Variants in MICU3 observed in about 807,000 individuals in gnomAD.
MICU3 encodes the protein calcium uptake protein 3, mitochondrial.
A neutral mutation model predicts 66.5 loss-of-function variants in MICU3; 62 were observed. The ratio of observed to expected loss-of-function variants is 0.93; its 90% CI spans 0.76 to 1.15. The LOEUF is 1.15. MICU3 is among the 50% of genes most tolerant of loss of function. The probability of loss-of-function intolerance (pLI) is 0.00; values close to 1 mark genes in which losing one functional copy is unlikely to be tolerated. For missense variants in MICU3, 779 were observed against 664.4 expected (o/e 1.17, Z -1.90); for synonymous variants, 308 against 240.7 (o/e 1.28, Z -2.59).
At chr8:17,089,494 A>T (rs894630537) in intron 7 of MICU3, among the ~76,000 whole-genome samples, 4 of 152,152 alleles carry the variant, frequency 2.6e-5, no homozygotes, top group African/African-American at 9.7e-5. Context: ...TAGAAATGAC[A>T]ATATGATTCC....
downstream of MICU3, among the ~76,000 whole-genome samples, chr8:17,122,863 A>G (rs578213300): frequency 6.0e-5 from 9 of 151,054 alleles, no homozygotes; most frequent in Non-Finnish European, 1.2e-4. Context: ...GAATTCCTAA[A>G]TTATAGAATT....
intron 1 of MICU3, among the ~76,000 whole-genome samples, chr8:17,037,203 C>T (rs1485934675): frequency 6.6e-6 from 1 of 152,220 alleles, no homozygotes; most frequent in African/African-American, 2.4e-5. Context: ...CCTCTCCCTC[C>T]ATACCTCCCT....
At chr8:17,028,229 A>C (rs1053770649) in intron 1 of MICU3, among the ~76,000 whole-genome samples, 1 of 152,228 alleles carries the variant, frequency 6.6e-6, no homozygotes, top group Non-Finnish European at 1.5e-5. Flanking sequence ...GTTCAAAAAG[A>C]GACATAAGTA....
chr8:17,086,990 TGAAAA>T lies in MICU3; in HGVS notation c.807_811del (p.Lys270ArgfsTer3), dbSNP rs768299402. The T allele has an allele frequency of 6.2e-7, 1 of 1,605,828 alleles. No individual in the cohort carries two copies. Among genetic ancestry groups the T allele is most frequent in the South Asian group, 1.1e-5 (1 of 90,786 alleles). ...TTCAAGAGATATTCAGGAAAAAAAA[TGAAAA>T]GAGAGAAATTAAAGGAGATGAAGAA... On this transcript the variant is annotated frameshift_variant, in exon 7 of 15. Coordinates refer to ENST00000318063, the MANE Select transcript of MICU3 (RefSeq NM_181723.3). LOFTEE classifies it high-confidence loss of function.
intron 11 of MICU3, among the ~76,000 whole-genome samples, chr8:17,108,677 A>G (rs1352685674): frequency 6.6e-6 from 1 of 152,124 alleles, no homozygotes; most frequent in African/African-American, 2.4e-5. Context: ...TCTTGCCTGG[A>G]GTGTTGGAAT....
Position 17,121,782 on chromosome 8 carries a change from T to TG in MICU3, c.*1496dup, listed in dbSNP as rs1803213561. The TG allele has an allele frequency of 6.6e-6, 1 of 152,156 alleles. No individual in the cohort carries two copies. The highest frequency in any genetic ancestry group is 2.4e-5 in the African/African-American group (1 of 41,434). The allele number at this position is 152,156 out of a possible 1,614,324, so 9.4% of individuals were successfully genotyped here. ...TACATTGTTTATCTAATATTATTTA[T>TG]GACAGTAATTTTAAAATATATTATT... On this transcript the variant is annotated 3_prime_UTR_variant, in exon 15 of 15. Coordinates refer to ENST00000318063, the MANE Select transcript of MICU3 (RefSeq NM_181723.3).
At chr8:17,135,055 T>C in the MICU3 span, among the ~76,000 whole-genome samples, 1 of 152,242 alleles carries the variant, frequency 6.6e-6, no homozygotes, top group Admixed American at 6.5e-5. Context: ...TCATGCCTGC[T>C]TCTTACAATT....
the MICU3 span, chr8:17,131,607 A>T: frequency 2.1e-3 from 325 of 152,492 alleles, no homozygotes; most frequent in Non-Finnish European, 3.5e-3. Flanking sequence ...GGCCCATACC[A>T]TCTGGGAAAT....
At chr8:17,038,641 T>G (rs755685691) in intron 1 of MICU3, among the ~76,000 whole-genome samples, 2 of 152,192 alleles carry the variant, frequency 1.3e-5, no homozygotes, top group Non-Finnish European at 2.9e-5. Flanking sequence ...GAGAAATTTT[T>G]TTTTCACAAA....
chr8:17,119,532 CATAG>C (rs10524011), intron 14 of MICU3, among the ~76,000 whole-genome samples: 27,780 of 123,930 alleles, frequency 0.22, 2,732 homozygotes, highest in Middle Eastern at 0.29. Flanking sequence ...AAGCTTGAAG[CATAG>C]ATAGATAGAT....
intron 11 of MICU3, among the ~76,000 whole-genome samples, chr8:17,112,643 T>G (rs1802308640): frequency 6.6e-6 from 1 of 152,230 alleles, no homozygotes; most frequent in South Asian, 2.1e-4. Context: ...AATCTGAAAG[T>G]TCAGATGTTG....
intron 2 of MICU3, among the ~76,000 whole-genome samples, chr8:17,066,041 TG>T (rs1021306627): frequency 9.2e-5 from 14 of 151,838 alleles, no homozygotes; most frequent in African/African-American, 3.4e-4. Flanking sequence ...GGCCATATAG[TG>T]ATGGGAAAGG....
chr8:17,028,961 G>A (rs1811522512), intron 1 of MICU3, among the ~76,000 whole-genome samples: 2 of 152,130 alleles, frequency 1.3e-5, no homozygotes, highest in Admixed American at 1.3e-4. Flanking sequence ...TTTTACAGTT[G>A]AGAGATGTTA....
chr8:17,089,802 CA>C (rs1347170478), intron 7 of MICU3, among the ~76,000 whole-genome samples: 1 of 151,994 alleles, frequency 6.6e-6, no homozygotes, highest in African/African-American at 2.4e-5. Context: ...AATAAACACT[CA>C]AAAAGGTTAG....
At chr8:17,036,716 C>T (rs1207594029) in intron 1 of MICU3, among the ~76,000 whole-genome samples, 1 of 152,244 alleles carries the variant, frequency 6.6e-6, no homozygotes, top group Non-Finnish European at 1.5e-5. Flanking sequence ...TAAAGACTCT[C>T]CACGTCCCCA....
chr8:17,087,309 A>G (rs1799577799), intron 7 of MICU3, among the ~76,000 whole-genome samples: 1 of 152,052 alleles, frequency 6.6e-6, no homozygotes, highest in African/African-American at 2.4e-5. Flanking sequence ...ATATCATACA[A>G]TAGATTAATA....
chr8:17,117,472 A>G (rs572592237), intron 13 of MICU3, among the ~76,000 whole-genome samples: 11 of 152,346 alleles, frequency 7.2e-5, no homozygotes, highest in African/African-American at 2.6e-4. Context: ...GAAATATAGT[A>G]TGAATCAATA....
intron 3 of MICU3, among the ~76,000 whole-genome samples, chr8:17,071,935 G>A (rs561030143): frequency 6.6e-6 from 1 of 152,128 alleles, no homozygotes; most frequent in Admixed American, 6.5e-5. Flanking sequence ...TGTTCATACT[G>A]GTAATAAGCC....
At position 17,027,333 on chromosome 8, in the gene MICU3, C is replaced by G; in HGVS notation, c.54C>G (p.Leu18=). The G allele has an allele frequency of 2.0e-6, 3 of 1,531,578 alleles. No homozygotes were observed. Among genetic ancestry groups the G allele is most frequent in the Non-Finnish European group, 2.6e-6 (3 of 1,148,762 alleles). The allele number at this position is 1,531,578 out of a possible 1,614,324, so 94.9% of individuals were successfully genotyped here. Residue 18 remains leucine (L), a synonymous_variant, in exon 1 of 15, where the codon CTC becomes CTG. Transcript: ENST00000318063. ...LWPPPRVSPP[L]CAHQPLLGPW... ...CGCCACCCCGGGTGTCTCCTCCACTCTGCGCTCACCAGCCCCTCCTTGGGC... is the reference window on the plus strand; with the variant it reads ...CGCCACCCCGGGTGTCTCCTCCACTGTGCGCTCACCAGCCCCTCCTTGGGC...
Sources: gnomAD v4.1 joint callset for allele counts (sites outside exome capture counted in the v4.1 genomes callset) on GRCh38, gnomAD v4.1.1 for gene constraint, MANE v1.5 for transcripts, NCBI Gene and HGNC (gene_info 2026-07-23, HGNC 2026-07-21) for gene names.